The following TBC1D5 variants were observed in gnomAD, a reference collection of about 807,000 sequenced individuals.
The protein encoded by TBC1D5 is TBC1 domain family, member 5.
TBC1D5 carries 75 observed loss-of-function variants against 100.3 expected under a neutral mutation model. That is an observed-to-expected ratio of 0.75 (90% confidence interval 0.62 to 0.91). TBC1D5 has a LOEUF of 0.91. Among genes scored for constraint, TBC1D5 ranks in the 40% least tolerant of loss-of-function variants. TBC1D5 has a pLI of 0.00. For synonymous variants in TBC1D5, 323 were observed against 325.6 expected (o/e 0.99, Z 0.09); for missense variants, 910 against 942.4 (o/e 0.97, Z 0.45).
At chr3:17,385,880 G>C (rs2093132444) in intron 8 of TBC1D5, among the ~76,000 whole-genome samples, 1 of 151,992 alleles carries the variant, frequency 6.6e-6, no homozygotes, top group Non-Finnish European at 1.5e-5. Context: ...CTAAAGAAGA[G>C]AAAAAGTAAC....
At chr3:17,497,809 T>A (rs1351511901) in intron 3 of TBC1D5, among the ~76,000 whole-genome samples, 1 of 152,206 alleles carries the variant, frequency 6.6e-6, no homozygotes, top group Non-Finnish European at 1.5e-5. Context: ...GCTCACACAT[T>A]GACTCATCTC....
intron 2 of TBC1D5, among the ~76,000 whole-genome samples, chr3:17,520,202 A>G (rs966674880): frequency 1.3e-5 from 2 of 152,204 alleles, no homozygotes; most frequent in South Asian, 4.1e-4. Context: ...GCATATAAAT[A>G]CGAAAGCCTA....
At chr3:17,260,794 A>G (rs2078212456) in intron 15 of TBC1D5, among the ~76,000 whole-genome samples, 1 of 152,248 alleles carries the variant, frequency 6.6e-6, no homozygotes. Flanking sequence ...GAAAATAAAA[A>G]GGAAACAAGT....
intron 2 of TBC1D5, among the ~76,000 whole-genome samples, chr3:17,556,254 G>A (rs1201887275): frequency 6.6e-6 from 1 of 152,136 alleles, no homozygotes; most frequent in East Asian, 1.9e-4. Context: ...TTGACCTCAG[G>A]TGATCCACCC....
At chr3:17,454,522 C>A (rs370952400) in intron 3 of TBC1D5, among the ~76,000 whole-genome samples, 6 of 152,050 alleles carry the variant, frequency 3.9e-5, no homozygotes, top group African/African-American at 1.4e-4. Flanking sequence ...TGCAGTGGTA[C>A]GATCTCGGCT....
intron 2 of TBC1D5, among the ~76,000 whole-genome samples, chr3:17,591,258 A>T (rs931597541): frequency 8.3e-6 from 1 of 120,294 alleles, no homozygotes; most frequent in Admixed American, 8.8e-5. Flanking sequence ...AAAAAAAAAA[A>T]AAAAAAAACA....
chr3:17,485,442 T>A (rs1382064746), intron 3 of TBC1D5, among the ~76,000 whole-genome samples: 2 of 151,384 alleles, frequency 1.3e-5, no homozygotes, highest in Non-Finnish European at 2.9e-5. Flanking sequence ...CATTAACTCG[T>A]CATTTAGCAT....
chr3:17,392,060 G>C (rs1209145644), intron 8 of TBC1D5, among the ~76,000 whole-genome samples: 1 of 152,110 alleles, frequency 6.6e-6, no homozygotes, highest in East Asian at 1.9e-4. Context: ...CACTGCTTCT[G>C]GGCAAAGATC....
At chr3:17,529,996 C>A (rs1252767761) in intron 2 of TBC1D5, among the ~76,000 whole-genome samples, 1 of 152,090 alleles carries the variant, frequency 6.6e-6, no homozygotes, top group African/African-American at 2.4e-5. Context: ...GTAATCCCAG[C>A]ATTTTGGGAG....
At chr3:17,701,750 G>C (rs2073242117) in intron 1 of TBC1D5, among the ~76,000 whole-genome samples, 1 of 152,098 alleles carries the variant, frequency 6.6e-6, no homozygotes, top group East Asian at 1.9e-4. Flanking sequence ...AAAAAACTGA[G>C]AGTAAAGATG....
chr3:17,367,568 T>A (rs897931253), intron 13 of TBC1D5, among the ~76,000 whole-genome samples: 8 of 152,050 alleles, frequency 5.3e-5, no homozygotes, highest in Non-Finnish European at 8.8e-5. Context: ...CAACTCAATA[T>A]GTTAATTAGG....
rs2075890474 is a variant in TBC1D5 at position 17,723,859 on chromosome 3, G to T, written c.-101+15484C>A. Among the ~76,000 whole-genome samples, 4 of 152,106 alleles carry T rather than the reference G, an allele frequency of 2.6e-5. No homozygotes were observed. In the Middle Eastern group the frequency reaches 0.01, roughly 388 times the overall value. ...TTATCAATGGATTTTCAACTGCACA[G>T]GGAGTGGGTACCCTTAACTCCTACA... On this transcript the variant is annotated intron_variant, in intron 1 of 21. Transcript: ENST00000253692.
chr3:17,231,373 C>G (rs1160771251), intron 17 of TBC1D5, among the ~76,000 whole-genome samples: 1 of 151,216 alleles, frequency 6.6e-6, no homozygotes, highest in Non-Finnish European at 1.5e-5. Context: ...TTGAATAATT[C>G]TCTAAAAATT....
At chr3:17,660,339 T>C (rs1402397526) in intron 1 of TBC1D5, among the ~76,000 whole-genome samples, 2 of 152,202 alleles carry the variant, frequency 1.3e-5, no homozygotes, top group Non-Finnish European at 2.9e-5. Context: ...CATTTTTACC[T>C]TTCCCCTCCC....
chr3:17,374,672 T>C lies in TBC1D5; in HGVS notation c.709A>G (p.Met237Val), dbSNP rs753254948. 5 of 1,610,282 alleles carry C rather than the reference T, an allele frequency of 3.1e-6. No homozygotes were observed. The Admixed American group carries it at 5.0e-5, about 16-fold the overall frequency. The change falls in exon 11 of 22, where the codon ATG (methionine) becomes GTG (valine). Residue 237 changes from methionine (M) to valine (V), a missense_variant. Physicochemically the swap from Met to Val is conservative, Grantham distance 21. Coordinates refer to ENST00000253692, the Ensembl canonical transcript of TBC1D5. ...TACTCAGGGTTCAAGACAGTTTTCA[T>C]TTCCTCACTTAAAAAAGCAATACAA...
chr3:17,372,137 C>A, exon 13 of TBC1D5: 1 of 1,613,748 alleles, frequency 6.2e-7, no homozygotes, highest in Admixed American at 1.7e-5. Flanking sequence ...CAATATCATG[C>A]TTCTTCAGTA....
chr3:17,583,446 C>A (rs915333561), intron 2 of TBC1D5, among the ~76,000 whole-genome samples: 1 of 151,890 alleles, frequency 6.6e-6, no homozygotes, highest in Non-Finnish European at 1.5e-5. Flanking sequence ...TGGAACCCGG[C>A]TGGGTGCGAT....
chr3:17,311,631 C>T (rs1057240980), intron 13 of TBC1D5, among the ~76,000 whole-genome samples: 6 of 152,054 alleles, frequency 3.9e-5, no homozygotes, highest in African/African-American at 1.4e-4. Flanking sequence ...TAAACATAGC[C>T]TTAATCCAAC....
intron 13 of TBC1D5, among the ~76,000 whole-genome samples, chr3:17,351,944 C>A (rs1403082324): frequency 1.3e-5 from 2 of 148,858 alleles, no homozygotes; most frequent in Non-Finnish European, 1.5e-5. Flanking sequence ...TTTTTCCCCC[C>A]AAAAAAACCC....
Sources: gnomAD v4.1 joint callset for allele counts (sites outside exome capture counted in the v4.1 genomes callset) on GRCh38, gnomAD v4.1.1 for gene constraint, MANE v1.5 for transcripts, NCBI Gene and HGNC (gene_info 2026-07-23, HGNC 2026-07-21) for gene names.